EEFSEC: variants seen among roughly 807,000 people sequenced by gnomAD.
The protein encoded by EEFSEC is selenocysteine-specific elongation factor.
Under a neutral mutation model 42.1 loss-of-function variants are expected in EEFSEC, and 43 were observed. The ratio of observed to expected loss-of-function variants is 1.02; its 90% CI spans 0.80 to 1.32. The LOEUF is 1.32. Among genes scored for constraint, EEFSEC ranks in the 40% most tolerant of loss-of-function variants. The pLI is 0.00. For missense variants in EEFSEC, 745 were observed against 803.6 expected, an observed-to-expected ratio of 0.93 and a Z score of 0.88; for synonymous variants, 354 against 339.1, an observed-to-expected ratio of 1.04 and a Z score of -0.48.
Position 128,358,316 on chromosome 3 carries a change from C to A in EEFSEC, c.1543C>A (p.Leu515Met), listed in dbSNP as rs779354673. The A allele has an allele frequency of 1.2e-5, 20 of 1,614,242 alleles. No homozygotes were observed. Among genetic ancestry groups the A allele is most frequent in the Non-Finnish European group, 1.7e-5 (20 of 1,180,046 alleles). ...CAAGGTGCACTTGTCCACTGGGGAA[C>A]TGGGCATCATCGACAGTGCCTTCGG... ...GLKVHLSTGE[L>M]GIIDSAFGQS... Residue 515 changes from leucine to methionine, a missense_variant, in exon 6 of 7, where the codon CTG (leucine) becomes ATG (methionine). Coordinates refer to ENST00000254730, the MANE Select transcript of EEFSEC (RefSeq NM_021937.5).
intron 4 of EEFSEC, 21 bp from the exon 5 acceptor site, chr3:128,341,212 C>G: frequency 6.3e-7 from 1 of 1,581,212 alleles, no homozygotes; most frequent in Non-Finnish European, 8.6e-7. Context: ...TTCATGTGCT[C>G]TCTTGCTTAC....
intron 4 of EEFSEC, among the ~76,000 whole-genome samples, chr3:128,334,414 C>T (rs561999090): frequency 5.9e-5 from 9 of 152,232 alleles, no homozygotes; most frequent in Non-Finnish European, 1.3e-4. Flanking sequence ...GGCTGAGCCC[C>T]GAGTCTGGCA....
intron 5 of EEFSEC, among the ~76,000 whole-genome samples, chr3:128,354,926 C>G (rs1019526857): frequency 6.6e-6 from 1 of 152,178 alleles, no homozygotes; most frequent in Non-Finnish European, 1.5e-5. Flanking sequence ...ATGAGGGAAC[C>G]AGCACTGGGG....
At chr3:128,416,259 G>T in the EEFSEC span, among the ~76,000 whole-genome samples, 2 of 152,132 alleles carry the variant, frequency 1.3e-5, no homozygotes, top group Non-Finnish European at 2.9e-5. Context: ...GCCCCTGGGG[G>T]CACAACAGCC....
intron 5 of EEFSEC, among the ~76,000 whole-genome samples, chr3:128,357,863 G>C (rs1339872977): frequency 2.1e-5 from 3 of 140,140 alleles, no homozygotes; most frequent in Non-Finnish European, 4.6e-5. Flanking sequence ...CCTGTGCTCT[G>C]TGACCTTGGA....
At chr3:128,220,984 C>CA (rs2065856176) in intron 1 of EEFSEC, among the ~76,000 whole-genome samples, 1 of 152,238 alleles carries the variant, frequency 6.6e-6, no homozygotes, top group Non-Finnish European at 1.5e-5. Context: ...AGTGAATTCT[C>CA]GTTACTCTCA....
intron 6 of EEFSEC, among the ~76,000 whole-genome samples, chr3:128,404,908 C>T (rs116731931): frequency 1.3e-3 from 203 of 152,168 alleles, no homozygotes; most frequent in African/African-American, 4.3e-3. Flanking sequence ...CTTTAGATGG[C>T]CAGTAATCTC....
chr3:128,339,729 A>G (rs2067229236), intron 4 of EEFSEC, among the ~76,000 whole-genome samples: 1 of 152,170 alleles, frequency 6.6e-6, no homozygotes, highest in South Asian at 2.1e-4. Flanking sequence ...GTCCGTTTTC[A>G]CGCTGCTGAT....
intron 1 of EEFSEC, among the ~76,000 whole-genome samples, chr3:128,173,719 A>T (rs1003149380): frequency 6.6e-6 from 1 of 152,190 alleles, no homozygotes; most frequent in African/African-American, 2.4e-5. Context: ...ACATCAAATG[A>T]TTAGTGTCAG....
At chr3:128,247,694 A>T (rs186455092) in intron 2 of EEFSEC, among the ~76,000 whole-genome samples, 1 of 152,296 alleles carries the variant, frequency 6.6e-6, no homozygotes, top group East Asian at 1.9e-4. Context: ...AAGGAATTTT[A>T]TGCAAGGGGT....
intron 1 of EEFSEC, among the ~76,000 whole-genome samples, chr3:128,231,589 G>A (rs1326119597): frequency 6.6e-6 from 1 of 152,218 alleles, no homozygotes; most frequent in African/African-American, 2.4e-5. Flanking sequence ...GGTATGTGGA[G>A]CAGGGGCTCC....
At position 128,153,829 on chromosome 3, in the gene EEFSEC, C is replaced by T. The variant is rs1171877917; in HGVS notation, c.316+6C>T. The T allele has an allele frequency of 2.0e-6, 3 of 1,497,034 alleles. No individual in the cohort carries two copies. The highest frequency in any genetic ancestry group is 2.8e-5 in the East Asian group (1 of 36,182). The allele number at this position is 1,497,034 out of a possible 1,614,324, so 92.7% of individuals were successfully genotyped here. A position where few individuals can be genotyped will look rare whatever the true frequency, so the allele number is the denominator to read the frequency against. The stretch of plus-strand genomic sequence containing the variant: ...CATCCGGACCATCATCGGCGGTGAG[C>T]GCGGGCCGGGGCGGGAGCCGGGCTC... On this transcript the variant is annotated splice_donor_region_variant and intron_variant, in intron 1 of 6. Coordinates refer to ENST00000254730, the MANE Select transcript of EEFSEC (RefSeq NM_021937.5).
chr3:128,159,806 C>T (rs765919795), intron 1 of EEFSEC, among the ~76,000 whole-genome samples: 10 of 152,328 alleles, frequency 6.6e-5, no homozygotes, highest in South Asian at 2.1e-4. Flanking sequence ...TCCTGCCCCA[C>T]CTATCTAAAG....
chr3:128,345,630 G>A (rs2067303820), intron 5 of EEFSEC, among the ~76,000 whole-genome samples: 1 of 152,246 alleles, frequency 6.6e-6, no homozygotes, highest in South Asian at 2.1e-4. Context: ...TGGTGAGCCA[G>A]CACCCAGCCT....
chr3:128,301,512 C>T (rs2066768402), intron 4 of EEFSEC, among the ~76,000 whole-genome samples: 1 of 152,020 alleles, frequency 6.6e-6, no homozygotes, highest in Non-Finnish European at 1.5e-5. Flanking sequence ...TCTAACTGGC[C>T]CTCAGTAAGT....
At chr3:128,390,850 A>C (rs1406592054) in intron 6 of EEFSEC, among the ~76,000 whole-genome samples, 2 of 152,184 alleles carry the variant, frequency 1.3e-5, no homozygotes, top group Non-Finnish European at 2.9e-5. Context: ...CGCTGGCCCC[A>C]GTGCTGGCCC....
intron 1 of EEFSEC, among the ~76,000 whole-genome samples, chr3:128,168,339 T>C (rs1234006228): frequency 6.6e-6 from 1 of 152,216 alleles, no homozygotes; most frequent in African/African-American, 2.4e-5. Flanking sequence ...TGATCACTAG[T>C]TCTGGGTCCA....
chr3:128,179,733 A>G (rs2065386174), intron 1 of EEFSEC, among the ~76,000 whole-genome samples: 1 of 152,214 alleles, frequency 6.6e-6, no homozygotes, highest in Non-Finnish European at 1.5e-5. Flanking sequence ...TTAAACATGC[A>G]AAGTTATCTT....
chr3:128,238,997 C>T (rs1223001911), intron 1 of EEFSEC, among the ~76,000 whole-genome samples: 7 of 152,196 alleles, frequency 4.6e-5, no homozygotes, highest in Admixed American at 3.9e-4. Context: ...CTAGTTCTGC[C>T]GGGTCAGCTT....
Sources: allele counts gnomAD v4.1 joint callset (sites outside exome capture counted in the v4.1 genomes callset), GRCh38; gene constraint gnomAD v4.1.1; transcripts MANE v1.5; gene names NCBI Gene and HGNC (gene_info 2026-07-23, HGNC 2026-07-21).